Variants in LRIG1 observed in about 807,000 individuals in gnomAD.
LRIG1 encodes leucine-rich repeats and immunoglobulin-like domains protein 1.
Under a neutral mutation model 99.2 loss-of-function variants are expected in LRIG1, and 48 were observed. That is an observed-to-expected ratio of 0.48 (90% CI 0.38 to 0.62). The LOEUF is 0.62. Ranked by LOEUF, LRIG1 falls within the 20% of genes least tolerant of loss-of-function variation. The pLI is 0.00. For missense variants in LRIG1, 1,646 were observed against 1,434.4 expected, an observed-to-expected ratio of 1.15 and a Z score of -2.38; for synonymous variants, 772 against 596.1, an observed-to-expected ratio of 1.29 and a Z score of -4.30.
At chr3:66,453,760 T>A (rs1343666959) in intron 2 of LRIG1, among the ~76,000 whole-genome samples, 2 of 152,114 alleles carry the variant, frequency 1.3e-5, no homozygotes, top group African/African-American at 2.4e-5. Flanking sequence ...AAGCTCATAA[T>A]CCCTTAGGTA....
Position 66,394,149 on chromosome 3 carries a change from C to T in LRIG1, c.1359G>A (p.Pro453=), listed in dbSNP as rs1298429558. 23 of 1,610,346 alleles carry T rather than the reference C, an allele frequency of 1.4e-5. No individual in the cohort carries two copies. Among genetic ancestry groups the T allele is most frequent in the Non-Finnish European group, 1.6e-5 (19 of 1,178,622 alleles). ...CCTGCAGCATCCTGCCAATTAGCCA[C>T]GGGGGCAGCCACTTCAGCTGGCAGT... is the stretch of plus-strand genomic sequence containing the variant. ...LCDCQLKWLP[P]WLIGRMLQAF... Residue 453 remains proline (P), a synonymous_variant, in exon 12 of 19, where the codon CCG becomes CCA. Coordinates refer to ENST00000273261, the MANE Select transcript of LRIG1 (RefSeq NM_015541.3).
chr3:66,407,213 A>G lies in LRIG1; in HGVS notation c.1079+135T>C. On this transcript the variant is annotated intron_variant, in intron 8 of 18. Coordinates refer to ENST00000273261, the MANE Select transcript of LRIG1 (RefSeq NM_015541.3). ...ATTACATAAAAGTTTGAGACTCTGC[A>G]CATAGAGCAAGCCAGCTTTGGATCC... is the stretch of plus-strand genomic sequence containing the variant. 5 of 869,580 alleles carry G rather than the reference A, an allele frequency of 5.7e-6. No homozygotes were observed. The South Asian group carries it at 8.3e-5, about 14-fold the overall frequency. The allele number at this position is 869,580 out of a possible 1,614,324, so 53.9% of individuals were successfully genotyped here.
chr3:66,446,270 CGGGGAAG>C (rs1350215378), intron 3 of LRIG1, among the ~76,000 whole-genome samples: 1 of 152,094 alleles, frequency 6.6e-6, no homozygotes, highest in Non-Finnish European at 1.5e-5. Context: ...CACTCACCCC[CGGGGAAG>C]GGGGAAGGTG....
At chr3:66,465,341 A>T (rs1011413117) in intron 1 of LRIG1, among the ~76,000 whole-genome samples, 3 of 151,056 alleles carry the variant, frequency 2.0e-5, no homozygotes, top group Non-Finnish European at 2.9e-5. Context: ...ATTCAAGAAG[A>T]CAAACTCTGA....
At chr3:66,384,840 C>T (rs1188506242) in intron 13 of LRIG1, among the ~76,000 whole-genome samples, 1 of 152,176 alleles carries the variant, frequency 6.6e-6, no homozygotes, top group Non-Finnish European at 1.5e-5. Context: ...GATGTCCTGA[C>T]AGAGTGGGAC....
At chr3:66,432,911 C>T (rs967854312) in intron 3 of LRIG1, among the ~76,000 whole-genome samples, 1 of 152,176 alleles carries the variant, frequency 6.6e-6, no homozygotes, top group African/African-American at 2.4e-5. Context: ...TGTCGCAAGC[C>T]ACTGTTCATC....
At chr3:66,426,667 C>A (rs956076590) in intron 3 of LRIG1, among the ~76,000 whole-genome samples, 1 of 152,194 alleles carries the variant, frequency 6.6e-6, no homozygotes, top group African/African-American at 2.4e-5. Context: ...CTGTTATGTT[C>A]CTCAAGAGAT....
At chr3:66,387,377 G>A (rs1219896033) in intron 12 of LRIG1, 1 of 151,980 alleles carries the variant, frequency 6.6e-6, no homozygotes, top group Non-Finnish European at 1.5e-5. Context: ...ACACAAATAG[G>A]AAGTGATGGC....
chr3:66,461,868 T>C (rs184036220), intron 2 of LRIG1, among the ~76,000 whole-genome samples: 1 of 152,322 alleles, frequency 6.6e-6, no homozygotes, highest in East Asian at 1.9e-4. Context: ...CATACCTAGC[T>C]CTGTTTGGAG....
chr3:66,453,248 C>T (rs995634798), intron 2 of LRIG1, among the ~76,000 whole-genome samples: 4 of 152,200 alleles, frequency 2.6e-5, no homozygotes, highest in African/African-American at 9.7e-5. Flanking sequence ...TCATTGCTTG[C>T]GATTTCTTCT....
intron 3 of LRIG1, among the ~76,000 whole-genome samples, chr3:66,423,267 C>T (rs972267559): frequency 6.6e-5 from 10 of 152,134 alleles, no homozygotes; most frequent in African/African-American, 2.4e-4. Context: ...GTGTACTTTA[C>T]CACAATTTAA....
At position 66,500,955 on chromosome 3, in the gene LRIG1, G is replaced by A. The variant is rs762150625; in HGVS notation, c.-548C>T. 1.2e-4 allele frequency: 18 copies of A among 151,948 alleles called. No individual in the cohort carries two copies. Among genetic ancestry groups the A allele is most frequent in the Admixed American group, 1.0e-3 (16 of 15,252 alleles). The allele number at this position is 151,948 out of a possible 1,614,324, so 9.4% of individuals were successfully genotyped here. A position where few individuals can be genotyped will look rare whatever the true frequency, so the allele number is the denominator to read the frequency against. Reference sequence around the variant, plus strand: ...AGCGCGCGCGCGCGCGCAGCCTCGGGTTCCGCACGGCTCCTCCGCGCAGCA... The same window carrying A: ...AGCGCGCGCGCGCGCGCAGCCTCGGATTCCGCACGGCTCCTCCGCGCAGCA... On this transcript the variant is annotated 5_prime_UTR_variant, in exon 1 of 19. Transcript: ENST00000273261.
At chr3:66,403,559 T>G (rs1224626683) in intron 9 of LRIG1, among the ~76,000 whole-genome samples, 2 of 152,010 alleles carry the variant, frequency 1.3e-5, no homozygotes, top group African/African-American at 4.8e-5. Context: ...CTCTTGGGGC[T>G]CAGGTGGAAG....
chr3:66,410,212 G>T lies in LRIG1; in HGVS notation c.852C>A (p.Ala284=). ...TGTTGCTGAGGTGGAGCTGATGCAGGGCCGTGAGGCCGTAGAGCGAGCCGC... is the reference window on the plus strand; with the variant it reads ...TGTTGCTGAGGTGGAGCTGATGCAGTGCCGTGAGGCCGTAGAGCGAGCCGC... The part of the protein sequence containing the change: ...VNSGSLYGLT[A]LHQLHLSNNS... Residue 284 remains alanine, a synonymous_variant, in exon 7 of 19, where the codon GCC becomes GCA. Coordinates refer to ENST00000273261, the MANE Select transcript of LRIG1 (RefSeq NM_015541.3). The T allele has an allele frequency of 6.2e-7, 1 of 1,614,122 alleles. No homozygotes were observed. The highest frequency in any genetic ancestry group is 8.5e-7 in the Non-Finnish European group (1 of 1,179,940).
chr3:66,437,965 C>G (rs1214026581), intron 3 of LRIG1, among the ~76,000 whole-genome samples: 2 of 152,190 alleles, frequency 1.3e-5, no homozygotes, highest in African/African-American at 4.8e-5. Context: ...AGGGCCAACT[C>G]TGAAAGAGCT....
intron 3 of LRIG1, among the ~76,000 whole-genome samples, chr3:66,423,890 T>A (rs1702896060): frequency 6.6e-6 from 1 of 152,216 alleles, no homozygotes; most frequent in South Asian, 2.1e-4. Context: ...TAAAATGAGT[T>A]CTTGTTTTTA....
In LRIG1 at chr3:66,407,360, C is replaced by A. The variant is rs139592506; in HGVS notation, c.1067G>T (p.Ser356Ile). The change falls in exon 8 of 19, where the codon AGC becomes ATC. Residue 356 changes from serine (S) to isoleucine (I), a missense_variant. Physicochemically the swap from Ser to Ile is moderately radical, Grantham distance 142. Transcript: ENST00000273261. ...IAEGAFKGLRSLRVLDLDHNE... is the reference protein window; with the variant it reads ...IAEGAFKGLRILRVLDLDHNE... ...GTGGGAGACGTACAAGACTCGCAGGCTCCTGAGTCCCTTGAAGGCACCCTC... is the reference window on the plus strand; with the variant it reads ...GTGGGAGACGTACAAGACTCGCAGGATCCTGAGTCCCTTGAAGGCACCCTC... 6 of 1,613,980 alleles carry A rather than the reference C, an allele frequency of 3.7e-6. No homozygotes were observed. The African/African-American group carries it at 6.7e-5, about 18-fold the overall frequency.
intron 1 of LRIG1, among the ~76,000 whole-genome samples, chr3:66,480,260 A>G (rs1224717756): frequency 3.3e-5 from 5 of 152,194 alleles, no homozygotes; most frequent in African/African-American, 1.2e-4. Context: ...AGAACAGACA[A>G]ATCTATAGAG....
chr3:66,386,330 G>C (rs143359414), intron 12 of LRIG1, 29 bp from the exon 13 acceptor site: 2 of 1,592,450 alleles, frequency 1.3e-6, no homozygotes, highest in Non-Finnish European at 8.6e-7. Flanking sequence ...ACTGTAAAGC[G>C]CTGGGTTCTT....
Sources: allele counts gnomAD v4.1 joint callset (sites outside exome capture counted in the v4.1 genomes callset), GRCh38; gene constraint gnomAD v4.1.1; transcripts MANE v1.5; gene names NCBI Gene and HGNC (gene_info 2026-07-23, HGNC 2026-07-21).